The following IPCEF1 variants were observed in gnomAD, a reference collection of about 807,000 sequenced individuals.
IPCEF1 encodes interactor protein for cytohesin exchange factors 1.
IPCEF1 carries 31 observed loss-of-function variants against 50.9 expected under a neutral mutation model. That is an observed-to-expected ratio of 0.61 (90% CI 0.46 to 0.82). The LOEUF (loss-of-function observed/expected upper bound fraction) is 0.82. IPCEF1 is among the 40% of genes least tolerant of loss of function. The pLI is 0.00. For missense variants in IPCEF1, 458 were observed against 514.0 expected (o/e 0.89, Z 1.05); for synonymous variants, 181 against 192.0 (o/e 0.94, Z 0.47).
intron 2 of IPCEF1, among the ~76,000 whole-genome samples, chr6:154,271,894 G>T (rs889061319): frequency 1.3e-5 from 2 of 152,172 alleles, no homozygotes; most frequent in South Asian, 2.1e-4. Flanking sequence ...GGCTAAGGTG[G>T]GAGGATTGCT....
At chr6:154,162,003 T>C (rs1447662719) in intron 11 of IPCEF1, among the ~76,000 whole-genome samples, 1 of 152,210 alleles carries the variant, frequency 6.6e-6, no homozygotes, top group Admixed American at 6.5e-5. Flanking sequence ...ATGGCCTTGC[T>C]ATCTCTTTGT....
At chr6:154,184,001 T>C (rs973205650) in intron 10 of IPCEF1, among the ~76,000 whole-genome samples, 1 of 152,132 alleles carries the variant, frequency 6.6e-6, no homozygotes, top group Non-Finnish European at 1.5e-5. Context: ...AAGTACACAA[T>C]GTAGTACTGC....
intron 2 of IPCEF1, among the ~76,000 whole-genome samples, chr6:154,288,518 C>T (rs1329284298): frequency 1.3e-5 from 2 of 151,862 alleles, no homozygotes; most frequent in Non-Finnish European, 2.9e-5. Flanking sequence ...AAAAAATTAA[C>T]CCGGTGTGGC....
At chr6:154,214,565 A>G (rs1778233256) in intron 7 of IPCEF1, among the ~76,000 whole-genome samples, 1 of 152,244 alleles carries the variant, frequency 6.6e-6, no homozygotes, top group South Asian at 2.1e-4. Context: ...CATCTTCTGT[A>G]ATCCTGCATT....
At chr6:154,355,988 G>A (rs1214178340) in intron 1 of IPCEF1, among the ~76,000 whole-genome samples, 2 of 151,914 alleles carry the variant, frequency 1.3e-5, no homozygotes, top group East Asian at 1.9e-4. Flanking sequence ...TAAATAACTC[G>A]ATAGAAATTA....
chr6:154,343,417 C>CA (rs1246942419), intron 1 of IPCEF1, among the ~76,000 whole-genome samples: 1 of 152,170 alleles, frequency 6.6e-6, no homozygotes, highest in Non-Finnish European at 1.5e-5. Context: ...GCTTTGCCTA[C>CA]AAAACTCAGG....
At chr6:154,203,255 C>T (rs1002682217) in intron 9 of IPCEF1, among the ~76,000 whole-genome samples, 1 of 152,128 alleles carries the variant, frequency 6.6e-6, no homozygotes, top group Non-Finnish European at 1.5e-5. Flanking sequence ...GCCCAACCTT[C>T]GTGTGTCTGT....
chr6:154,175,321 T>A (rs1323048359), intron 10 of IPCEF1, among the ~76,000 whole-genome samples: 2 of 147,268 alleles, frequency 1.4e-5, no homozygotes, highest in Non-Finnish European at 3.0e-5. Flanking sequence ...ATAACTAAGA[T>A]CAGAGCAGAA....
chr6:154,311,007 TTAAAGTCCTCACTC>T lies in IPCEF1; in HGVS notation c.-61-21265_-61-21252del, dbSNP rs1783065316. Among the ~76,000 whole-genome samples, 4 of 150,410 alleles carry T rather than the reference TTAAAGTCCTCACTC, an allele frequency of 2.7e-5. No homozygotes were observed. The South Asian group carries it at 8.6e-4, about 32-fold the overall frequency. ...GCAGAATTGTTAAAAGAATTTATTT[TTAAAGTCCTCACTC>T]CAAACAAATGATGTTGGAAGGGAAT... is the stretch of plus-strand genomic sequence containing the variant. On this transcript the variant is annotated intron_variant, in intron 1 of 11. Coordinates refer to ENST00000367220, the MANE Select transcript of IPCEF1 (RefSeq NM_001130700.2).
At chr6:154,346,453 T>C (rs1363049200) in intron 1 of IPCEF1, among the ~76,000 whole-genome samples, 1 of 152,240 alleles carries the variant, frequency 6.6e-6, no homozygotes, top group Non-Finnish European at 1.5e-5. Flanking sequence ...TAAATTGGCA[T>C]ATACTAATCT....
intron 10 of IPCEF1, among the ~76,000 whole-genome samples, chr6:154,189,610 T>G (rs1801686226): frequency 6.6e-6 from 1 of 152,186 alleles, no homozygotes; most frequent in African/African-American, 2.4e-5. Flanking sequence ...ATGCTTAAAG[T>G]GATGGATATG....
intron 2 of IPCEF1, among the ~76,000 whole-genome samples, chr6:154,285,708 A>G (rs1562579609): frequency 6.6e-6 from 1 of 152,174 alleles, no homozygotes; most frequent in African/African-American, 2.4e-5. Flanking sequence ...AGAAGAAAAT[A>G]TATGTGGTCA....
intron 10 of IPCEF1, among the ~76,000 whole-genome samples, chr6:154,182,043 AAAATT>A (rs1352834830): frequency 6.6e-6 from 1 of 152,192 alleles, no homozygotes; most frequent in Non-Finnish European, 1.5e-5. Flanking sequence ...CCCAGAACTT[AAAATT>A]AAATTAAATT....
chr6:154,239,174 G>T lies in IPCEF1; in HGVS notation c.246+7417C>A, dbSNP rs571731190. Among the ~76,000 whole-genome samples, 4 of 152,204 alleles carry T rather than the reference G, an allele frequency of 2.6e-5. No homozygotes were observed. The South Asian group carries it at 8.3e-4, about 32-fold the overall frequency. On this transcript the variant is annotated intron_variant, in intron 5 of 11. Transcript: ENST00000367220. ...GGTGTTCCACAGTTAATTTTGAAAAGTTTGGAAAGAATTTAAAGGAAAATA... is the reference window on the plus strand; with the variant it reads ...GGTGTTCCACAGTTAATTTTGAAAATTTTGGAAAGAATTTAAAGGAAAATA...
intron 5 of IPCEF1, among the ~76,000 whole-genome samples, chr6:154,236,853 T>C (rs1448846784): frequency 3.3e-5 from 5 of 152,330 alleles, no homozygotes; most frequent in African/African-American, 1.2e-4. Context: ...TTCAAGGGAA[T>C]GTAGAGATTC....
At chr6:154,179,255 A>T (rs1346206835) in intron 10 of IPCEF1, among the ~76,000 whole-genome samples, 2 of 152,142 alleles carry the variant, frequency 1.3e-5, no homozygotes, top group Admixed American at 1.3e-4. Context: ...CTATACTAAG[A>T]CTACAGCAGG....
chr6:154,296,844 G>GAA (rs566680187), intron 1 of IPCEF1, among the ~76,000 whole-genome samples: 1 of 142,656 alleles, frequency 7.0e-6, no homozygotes, highest in Non-Finnish European at 1.5e-5. Context: ...AAAAAAAAAA[G>GAA]AAAAAAAAAG....
At chr6:154,248,319 G>A (rs1781222151) in intron 3 of IPCEF1, among the ~76,000 whole-genome samples, 1 of 151,742 alleles carries the variant, frequency 6.6e-6, no homozygotes, top group Non-Finnish European at 1.5e-5. Context: ...GTGTGTGTGT[G>A]TGTGTGTGTG....
intron 1 of IPCEF1, among the ~76,000 whole-genome samples, chr6:154,291,243 A>C (rs1782505883): frequency 6.6e-6 from 1 of 152,204 alleles, no homozygotes; most frequent in Non-Finnish European, 1.5e-5. Context: ...ATTGCCTAAA[A>C]GCATACATTT....
Sources: allele counts gnomAD v4.1 joint callset (sites outside exome capture counted in the v4.1 genomes callset), GRCh38; gene constraint gnomAD v4.1.1; transcripts MANE v1.5; gene names NCBI Gene and HGNC (gene_info 2026-07-23, HGNC 2026-07-21).